KALRN: variants seen among roughly 807,000 people sequenced by gnomAD.
KALRN encodes kalirin RhoGEF kinase.
In KALRN, 70 loss-of-function variants were observed where a neutral mutation model predicts 353.7. The observed-to-expected ratio is 0.20, with a 90% confidence interval of 0.16 to 0.24. The LOEUF (loss-of-function observed/expected upper bound fraction) is 0.24, where lower values mean the gene tolerates loss of function less well. Among genes scored for constraint, KALRN ranks in the 10% least tolerant of loss-of-function variants. The probability of loss-of-function intolerance (pLI) is 1.00; values close to 1 mark genes in which losing one functional copy is unlikely to be tolerated. For missense variants in KALRN, 2,791 were observed against 3,756.7 expected, an observed-to-expected ratio of 0.74 and a Z score of 6.72; for synonymous variants, 1,391 against 1,434.8, an observed-to-expected ratio of 0.97 and a Z score of 0.69.
At chr3:124,267,782 G>A (rs771369333) in intron 4 of KALRN, among the ~76,000 whole-genome samples, 3 of 152,212 alleles carry the variant, frequency 2.0e-5, no homozygotes, top group Non-Finnish European at 4.4e-5. Context: ...GCAGCCTTCA[G>A]ATCATCAGAG....
At chr3:124,412,579 A>G (rs1269603231) in intron 13 of KALRN, among the ~76,000 whole-genome samples, 1 of 152,206 alleles carries the variant, frequency 6.6e-6, no homozygotes, top group Non-Finnish European at 1.5e-5. Flanking sequence ...TTGTAAAGGA[A>G]GTGTAGGATT....
intron 1 of KALRN, among the ~76,000 whole-genome samples, chr3:124,090,997 G>A (rs567168348): frequency 1.6e-4 from 25 of 152,292 alleles, no homozygotes; most frequent in Non-Finnish European, 3.1e-4. Flanking sequence ...TAAGAAGCCC[G>A]TTCACCTGGG....
At chr3:124,475,791 T>C (rs2061377160) in intron 26 of KALRN, among the ~76,000 whole-genome samples, 1 of 152,196 alleles carries the variant, frequency 6.6e-6, no homozygotes, top group African/African-American at 2.4e-5. Context: ...CATGAAATCT[T>C]AATATTTGCT....
At chr3:124,301,833 A>G (rs1395567773) in intron 6 of KALRN, among the ~76,000 whole-genome samples, 1 of 152,222 alleles carries the variant, frequency 6.6e-6, no homozygotes, top group Non-Finnish European at 1.5e-5. Flanking sequence ...CTTGGAAATT[A>G]TACACACACA....
At chr3:124,241,922 G>A (rs1385139341) in intron 3 of KALRN, among the ~76,000 whole-genome samples, 4 of 152,168 alleles carry the variant, frequency 2.6e-5, no homozygotes, top group Non-Finnish European at 5.9e-5. Context: ...GAACACTGGG[G>A]GTGGGCAAAG....
intron 34 of KALRN, among the ~76,000 whole-genome samples, chr3:124,602,415 G>A (rs1178089465): frequency 2.0e-5 from 3 of 152,228 alleles, no homozygotes; most frequent in Admixed American, 6.5e-5. Flanking sequence ...AATCTGGGGT[G>A]CTCCCATGAA....
At chr3:124,697,054 G>C (rs1209297043) in intron 54 of KALRN, among the ~76,000 whole-genome samples, 1 of 152,172 alleles carries the variant, frequency 6.6e-6, no homozygotes, top group African/African-American at 2.4e-5. Flanking sequence ...CAACTAGCTA[G>C]GACTATAGGC....
chr3:124,632,455 A>G lies in KALRN; in HGVS notation c.5218A>G (p.Lys1740Glu), dbSNP rs753183084. Residue 1740 changes from lysine to glutamate, a missense_variant, in exon 35 of 60, where the codon AAG becomes GAG. Transcript: ENST00000682506. Reference sequence around the variant, plus strand: ...TCATTCCTCAAGCGAGAATGGAGGCAAGTCCGAGTCCGTGGCCAACCTGCA... The same window carrying G: ...TCATTCCTCAAGCGAGAATGGAGGCGAGTCCGAGTCCGTGGCCAACCTGCA... ...YSHSSSENGG[K>E]SESVANLQAQ... The G allele has an allele frequency of 1.5e-5, 24 of 1,613,848 alleles. No individual in the cohort carries two copies. The highest frequency in any genetic ancestry group is 2.2e-5 in the South Asian group (2 of 91,066).
chr3:124,362,290 C>G (rs1036530189), intron 10 of KALRN, among the ~76,000 whole-genome samples: 3 of 152,320 alleles, frequency 2.0e-5, no homozygotes, highest in African/African-American at 2.4e-5. Context: ...TTTCATAAAC[C>G]AATTTTGTTC....
At chr3:124,571,993 T>C (rs527385335) in intron 34 of KALRN, among the ~76,000 whole-genome samples, 1 of 152,104 alleles carries the variant, frequency 6.6e-6, no homozygotes, top group African/African-American at 2.4e-5. Flanking sequence ...TCCAATTTTT[T>C]AATTTGGGGT....
At chr3:124,267,642 G>A (rs2073717768) in intron 4 of KALRN, among the ~76,000 whole-genome samples, 1 of 152,244 alleles carries the variant, frequency 6.6e-6, no homozygotes, top group Non-Finnish European at 1.5e-5. Context: ...TTCCAGACCA[G>A]TCCTCCTGCC....
At chr3:124,305,686 A>C (rs1219216869) in intron 6 of KALRN, among the ~76,000 whole-genome samples, 1 of 112,418 alleles carries the variant, frequency 8.9e-6, no homozygotes, top group East Asian at 3.1e-4. Context: ...CTTACTGTGG[A>C]GCTGTGGGGG....
At chr3:124,679,411 T>G in intron 50 of KALRN, 47 bp from the exon 51 acceptor site, 3 of 1,544,090 alleles carry the variant, frequency 1.9e-6, no homozygotes, top group Non-Finnish European at 2.7e-6. Context: ...CTACTTGTGT[T>G]CTAACTGTGT....
chr3:124,150,846 C>A (rs1051343191), intron 1 of KALRN, among the ~76,000 whole-genome samples: 1 of 152,070 alleles, frequency 6.6e-6, no homozygotes, highest in African/African-American at 2.4e-5. Flanking sequence ...GAACATTAGC[C>A]CCTGCAGGGT....
At chr3:124,313,655 C>T (rs1043550641) in intron 6 of KALRN, among the ~76,000 whole-genome samples, 13 of 152,306 alleles carry the variant, frequency 8.5e-5, no homozygotes, top group Non-Finnish European at 1.3e-4. Flanking sequence ...TCTGACTGCC[C>T]GCTGGAGTCA....
At chr3:124,371,911 T>C (rs79968356) in intron 10 of KALRN, among the ~76,000 whole-genome samples, 5 of 152,170 alleles carry the variant, frequency 3.3e-5, no homozygotes, top group Non-Finnish European at 7.4e-5. Flanking sequence ...TTTTTGTAGC[T>C]CTTAACCATT....
chr3:124,496,546 A>C lies in KALRN; in HGVS notation c.4935+133A>C. On this transcript the variant is annotated intron_variant, in intron 33 of 59. Coordinates refer to ENST00000682506, the MANE Select transcript of KALRN (RefSeq NM_001388419.1). ...AGCCAGTTGTCTCTTTGTGCCAGCC[A>C]AGGAGGAAAGAACAGGGCTGGAGGA... is the stretch of plus-strand genomic sequence containing the variant. 4.5e-6 allele frequency: 3 copies of C among 674,012 alleles called. No individual in the cohort carries two copies. In the South Asian group the frequency reaches 5.4e-5, roughly 12 times the overall value. 41.8% of individuals were successfully genotyped at this position (674,012 alleles called of 1,614,324 possible). A position where few individuals can be genotyped will look rare whatever the true frequency, so the allele number is the denominator to read the frequency against.
intron 33 of KALRN, among the ~76,000 whole-genome samples, chr3:124,529,359 C>G (rs2067854749): frequency 6.6e-6 from 1 of 152,122 alleles, no homozygotes; most frequent in Admixed American, 6.5e-5. Context: ...GTAGGAAGTT[C>G]TCCAGAATGA....
At chr3:124,342,972 C>T (rs2081922604) in intron 9 of KALRN, among the ~76,000 whole-genome samples, 1 of 152,238 alleles carries the variant, frequency 6.6e-6, no homozygotes, top group South Asian at 2.1e-4. Flanking sequence ...AGGCTTACCA[C>T]CTGCCTCTCC....
Sources: gnomAD v4.1 joint callset for allele counts (sites outside exome capture counted in the v4.1 genomes callset) on GRCh38, gnomAD v4.1.1 for gene constraint, MANE v1.5 for transcripts, NCBI Gene and HGNC (gene_info 2026-07-23, HGNC 2026-07-21) for gene names.